Variants in PDZD8 observed in about 807,000 individuals in gnomAD.
PDZD8 encodes PDZ domain containing 8, also known as PDZ domain-containing protein 8.
A neutral mutation model predicts 85.8 loss-of-function variants in PDZD8; 14 were observed. That is an observed-to-expected ratio of 0.16 (90% confidence interval 0.11 to 0.26). PDZD8 has a LOEUF of 0.26. Ranked by LOEUF, PDZD8 falls within the 10% of genes least tolerant of loss-of-function variation. The pLI, the probability that PDZD8 is intolerant of heterozygous loss-of-function variation, is 1.00. For synonymous variants in PDZD8, 592 were observed against 568.6 expected (o/e 1.04, Z -0.59); for missense variants, 1,197 against 1,424.3 (o/e 0.84, Z 2.57).
At position 117,326,571 on chromosome 10, in the gene PDZD8, G is replaced by A. The variant is rs144862313; in HGVS notation, c.996-7597C>T. Among the ~76,000 whole-genome samples, 20 of 152,312 alleles carry A rather than the reference G, an allele frequency of 1.3e-4. No homozygotes were observed. The East Asian group carries it at 3.7e-3, about 28-fold the overall frequency. On this transcript the variant is annotated intron_variant, in intron 2 of 4. Coordinates refer to ENST00000334464, the MANE Select transcript of PDZD8 (RefSeq NM_173791.5). ...CAGCTTCTGTAGGTAACTTGATGAA[G>A]TGCTGGATCTGTCATGTCAAACCCA...
In PDZD8 at chr10:117,375,126, C is replaced by T. The variant is rs766371423; in HGVS notation, c.102G>A (p.Pro34=). The T allele has an allele frequency of 1.9e-6, 3 of 1,591,706 alleles. No individual in the cohort carries two copies. Among genetic ancestry groups the T allele is most frequent in the East Asian group, 4.5e-5 (2 of 44,116 alleles). The change falls in exon 1 of 5, where the codon CCG becomes CCA. Residue 34 remains proline (P), a synonymous_variant. Transcript: ENST00000334464. ...CGCCCGCGCGGGCGGCCTCGTCCGCCGGCGGCTCGGGCTGTCTGCGGTACA... is the reference window on the plus strand; with the variant it reads ...CGCCCGCGCGGGCGGCCTCGTCCGCTGGCGGCTCGGGCTGTCTGCGGTACA... ...FLLYRRQPEP[P]ADEAARAGEG... is the part of the protein sequence containing the mutation.
Position 117,284,524 on chromosome 10 carries a change from C to G in PDZD8, c.2209G>C (p.Glu737Gln). The part of the protein sequence containing the change: ...ICLGHVSLKL[E>Q]DVALGCLATS... ...GCTAGGCATCCTAAAGCCACATCTT[C>G]AAGTTTTAAACTAACATGCCCCAAA... Residue 737 changes from glutamate to glutamine, a missense_variant, in exon 5 of 5, where the codon GAA (glutamate) becomes CAA (glutamine). Around this residue, in one of 4 missense-constraint regions of PDZD8, gnomAD observed 418 missense variants for 571.1 expected, o/e 0.73. Transcript: ENST00000334464. 5 of 1,614,134 alleles carry G rather than the reference C, an allele frequency of 3.1e-6. No homozygotes were observed. Among genetic ancestry groups the G allele is most frequent in the Non-Finnish European group, 4.2e-6 (5 of 1,180,020 alleles).
In PDZD8 at chr10:117,333,116, T is replaced by TCAAAAAAAAAA. The variant is rs1554854825; in HGVS notation, c.995+7853_995+7863dup. Among the ~76,000 whole-genome samples, 77 of 16,786 alleles carry TCAAAAAAAAAA rather than the reference T, an allele frequency of 4.6e-3. 5 individuals carry two copies. The highest frequency in any genetic ancestry group is 0.014 in the African/African-American group (64 of 4,420). The allele number at this position is 16,786 out of a possible 152,430, so 11.0% of individuals were successfully genotyped here. Reference sequence around the variant, plus strand: ...CCTGGACAGCAGAGTGGACTCTGTCTCAAAAAAAAAAAAAAAAAAAAAAAA... The same window carrying TCAAAAAAAAAA: ...CCTGGACAGCAGAGTGGACTCTGTCTCAAAAAAAAAACAAAAAAAAAAAAAAAAAAAAAAAA... On this transcript the variant is annotated intron_variant, in intron 2 of 4. Transcript: ENST00000334464.
At chr10:117,308,405 G>A (rs1439939327) in intron 3 of PDZD8, among the ~76,000 whole-genome samples, 1 of 151,982 alleles carries the variant, frequency 6.6e-6, no homozygotes, top group Non-Finnish European at 1.5e-5. Flanking sequence ...GTGAGTGTAG[G>A]GGATTTATGA....
intron 3 of PDZD8, among the ~76,000 whole-genome samples, chr10:117,306,159 C>T (rs1325156531): frequency 6.6e-6 from 1 of 152,136 alleles, no homozygotes; most frequent in East Asian, 1.9e-4. Context: ...GTTTCTAAAG[C>T]AACTGGATGG....
At chr10:117,373,939 G>A (rs1845241202) in intron 1 of PDZD8, among the ~76,000 whole-genome samples, 2 of 152,130 alleles carry the variant, frequency 1.3e-5, no homozygotes, top group Non-Finnish European at 2.9e-5. Context: ...CTGTGTCCAG[G>A]AACAATTTCT....
At position 117,284,166 on chromosome 10, in the gene PDZD8, T is replaced by C. The variant is rs140949261; in HGVS notation, c.2567A>G (p.Tyr856Cys). ...TQFQNPTWCD[Y>C]CKKKVWTKAA... ...TTTAGTCCAAACTTTTTTCTTACAG[T>C]AGTCACACCATGTTGGGTTCTGGAA... Residue 856 changes from tyrosine (Y) to cysteine (C), a missense_variant, in exon 5 of 5, where the codon TAC becomes TGC. By Grantham distance (194) the Tyr-to-Cys change is radical. Coordinates refer to ENST00000334464, the MANE Select transcript of PDZD8 (RefSeq NM_173791.5). The C allele has an allele frequency of 1.2e-6, 2 of 1,614,202 alleles. No individual in the cohort carries two copies. Among genetic ancestry groups the C allele is most frequent in the Non-Finnish European group, 1.7e-6 (2 of 1,180,030 alleles).
chr10:117,320,282 C>T (rs1844207251), intron 2 of PDZD8, among the ~76,000 whole-genome samples: 1 of 152,004 alleles, frequency 6.6e-6, no homozygotes, highest in Non-Finnish European at 1.5e-5. Flanking sequence ...AAAGAGTAAA[C>T]TACCTAAGGG....
In PDZD8 at chr10:117,332,944, G is replaced by A. The variant is rs1387540724; in HGVS notation, c.995+8036C>T. 2.7e-5 allele frequency among the ~76,000 whole-genome samples: 4 copies of A among 150,688 alleles called. No homozygotes were observed. The South Asian group carries it at 6.3e-4, about 24-fold the overall frequency. ...ACCAGCCAGGCCAACATGGTGAAAC[G>A]CCCGTCTCTACTAAAAATACAAAAA... On this transcript the variant is annotated intron_variant, in intron 2 of 4. Transcript: ENST00000334464.
intron 3 of PDZD8, among the ~76,000 whole-genome samples, chr10:117,306,285 A>G (rs1188618103): frequency 6.6e-6 from 1 of 152,228 alleles, no homozygotes; most frequent in Non-Finnish European, 1.5e-5. Context: ...AGATCTAAGG[A>G]ATAAAAATGA....
chr10:117,284,007 C>T lies in PDZD8; in HGVS notation c.2726G>A (p.Gly909Glu), dbSNP rs936862401. Residue 909 changes from glycine (G) to glutamate (E), a missense_variant, in exon 5 of 5, where the codon GGA (glycine) becomes GAA (glutamate). This residue lies in a region of PDZD8 where 418 missense variants were observed against 571.1 expected (regional missense o/e 0.73). Coordinates refer to ENST00000334464, the MANE Select transcript of PDZD8 (RefSeq NM_173791.5). ...AGGCAGGCCTAAGAGGGTTTCCTGT[C>T]CTTCCAGCCTAAGGTTTTTCAGTGT... ...DRTLKNLRLE[G>E]QETLLGLPPR... 4 of 1,614,168 alleles carry T rather than the reference C, an allele frequency of 2.5e-6. No homozygotes were observed. The highest frequency in any genetic ancestry group is 3.4e-6 in the Non-Finnish European group (4 of 1,180,030).
At chr10:117,289,355 T>C (rs971133936) in intron 4 of PDZD8, among the ~76,000 whole-genome samples, 1 of 152,248 alleles carries the variant, frequency 6.6e-6, no homozygotes, top group East Asian at 1.9e-4. Flanking sequence ...ATTTGGGAAC[T>C]GTTCTAACTT....
chr10:117,309,718 G>C (rs1390615897), intron 3 of PDZD8, among the ~76,000 whole-genome samples: 3 of 152,028 alleles, frequency 2.0e-5, no homozygotes, highest in Admixed American at 6.5e-5. Context: ...ATTGCTGCCA[G>C]GTTCAATAAA....
At chr10:117,305,097 T>G (rs561971636) in intron 3 of PDZD8, among the ~76,000 whole-genome samples, 1 of 152,220 alleles carries the variant, frequency 6.6e-6, no homozygotes, top group African/African-American at 2.4e-5. Flanking sequence ...CCCTCAGATA[T>G]ATGGCAGCAA....
chr10:117,345,018 G>A (rs1341916263), intron 1 of PDZD8, among the ~76,000 whole-genome samples: 2 of 152,190 alleles, frequency 1.3e-5, no homozygotes, highest in Non-Finnish European at 2.9e-5. Context: ...CTAGCACTCA[G>A]CTCCTAGAGT....
chr10:117,357,450 A>C (rs1844915008), intron 1 of PDZD8, among the ~76,000 whole-genome samples: 1 of 150,774 alleles, frequency 6.6e-6, no homozygotes, highest in African/African-American at 2.4e-5. Context: ...TATGTAAAAC[A>C]AACCAAAAGT....
intron 2 of PDZD8, among the ~76,000 whole-genome samples, chr10:117,337,442 T>C (rs1019898555): frequency 1.3e-5 from 2 of 152,216 alleles, no homozygotes; most frequent in South Asian, 4.1e-4. Flanking sequence ...TGACTGCTTT[T>C]TAAAAAATAC....
intron 3 of PDZD8, among the ~76,000 whole-genome samples, chr10:117,299,267 G>A (rs1306748728): frequency 3.9e-5 from 6 of 152,120 alleles, no homozygotes; most frequent in African/African-American, 1.4e-4. Flanking sequence ...CCACGGTTGG[G>A]TTTCAATCCA....
intron 1 of PDZD8, among the ~76,000 whole-genome samples, chr10:117,369,666 T>C (rs1356126851): frequency 2.0e-5 from 3 of 152,100 alleles, no homozygotes; most frequent in Non-Finnish European, 4.4e-5. Flanking sequence ...TACCATCAAT[T>C]AAGCACAGCA....
Sources: allele counts gnomAD v4.1 joint callset (sites outside exome capture counted in the v4.1 genomes callset), GRCh38; gene constraint gnomAD v4.1.1; regional missense constraint gnomAD v4.1.1; transcripts MANE v1.5; gene names NCBI Gene and HGNC (gene_info 2026-07-23, HGNC 2026-07-21).